CNTN5: variants seen among roughly 807,000 people sequenced by gnomAD.
The protein encoded by CNTN5 is contactin-5.
CNTN5 carries 77 observed loss-of-function variants against 129.1 expected under a neutral mutation model. That is an observed-to-expected ratio of 0.60 (90% CI 0.50 to 0.72). The LOEUF (loss-of-function observed/expected upper bound fraction) is 0.72. Among genes scored for constraint, CNTN5 ranks in the 30% least tolerant of loss-of-function variants. The pLI is 0.00. For missense variants in CNTN5, 1,478 were observed against 1,328.8 expected (o/e 1.11, Z -1.75); for synonymous variants, 509 against 465.6 (o/e 1.09, Z -1.20).
intron 3 of CNTN5, among the ~76,000 whole-genome samples, chr11:99,778,593 T>G (rs1945205751): frequency 6.6e-6 from 1 of 151,746 alleles, no homozygotes; most frequent in Non-Finnish European, 1.5e-5. Flanking sequence ...TCATAGTCAT[T>G]GTGATTATGT....
chr11:99,409,324 C>A (rs1162149182), intron 2 of CNTN5, among the ~76,000 whole-genome samples: 2 of 151,960 alleles, frequency 1.3e-5, no homozygotes, highest in Admixed American at 6.6e-5. Flanking sequence ...AAAAATTAAC[C>A]AGGCATGGTG....
chr11:99,601,349 G>T (rs990848285), intron 3 of CNTN5, among the ~76,000 whole-genome samples: 1 of 151,744 alleles, frequency 6.6e-6, no homozygotes, highest in Non-Finnish European at 1.5e-5. Context: ...CTTTCCTTCG[G>T]GCTGTCTTGG....
rs1289478944 is a variant in CNTN5, at chr11:99,438,116, T to A, written c.-71+112632T>A. 2.0e-5 allele frequency among the ~76,000 whole-genome samples: 3 copies of A among 152,338 alleles called. No homozygotes were observed. In the East Asian group the frequency reaches 5.8e-4, roughly 29 times the overall value. ...AGGTTTATTCATGCTAGAAGCTTAATAATAAAATAATGAATTATTCTAGAT... is the reference window on the plus strand; with the variant it reads ...AGGTTTATTCATGCTAGAAGCTTAAAAATAAAATAATGAATTATTCTAGAT... On this transcript the variant is annotated intron_variant, in intron 2 of 24. Coordinates refer to ENST00000524871, the MANE Select transcript of CNTN5 (RefSeq NM_014361.4).
At chr11:99,971,833 A>AT (rs1196547642) in intron 8 of CNTN5, among the ~76,000 whole-genome samples, 4 of 151,550 alleles carry the variant, frequency 2.6e-5, no homozygotes, top group Non-Finnish European at 2.9e-5. Flanking sequence ...ATAATATTTA[A>AT]TTTTAAAAAA....
intron 1 of CNTN5, among the ~76,000 whole-genome samples, chr11:99,074,940 C>T (rs1591148674): frequency 6.6e-6 from 1 of 152,062 alleles, no homozygotes; most frequent in East Asian, 1.9e-4. Flanking sequence ...AAACATGCCG[C>T]ATTGAAAAAT....
intron 21 of CNTN5, chr11:100,309,201 A>G: frequency 1.0e-6 from 1 of 985,018 alleles, no homozygotes; most frequent in South Asian, 4.7e-5. Flanking sequence ...CCAAGACTTT[A>G]GTTGCATTTA....
chr11:99,364,710 C>T lies in CNTN5; in HGVS notation c.-71+39226C>T, dbSNP rs760609047. On this transcript the variant is annotated intron_variant, in intron 2 of 24. Transcript: ENST00000524871. ...ATAAGAATAAGATACTTTCATTTGTCGGTACGATTAAATCATTGATTATGG... is the reference window on the plus strand; with the variant it reads ...ATAAGAATAAGATACTTTCATTTGTTGGTACGATTAAATCATTGATTATGG... Among the ~76,000 whole-genome samples the T allele has an allele frequency of 4.6e-5, 7 of 151,976 alleles. 1 individual carries two copies. The South Asian group carries it at 6.2e-4, about 14-fold the overall frequency.
intron 3 of CNTN5, among the ~76,000 whole-genome samples, chr11:99,787,412 C>A: frequency 6.6e-6 from 1 of 150,722 alleles, no homozygotes. Flanking sequence ...TTTTTTAAAA[C>A]ATTACTTATA....
intron 1 of CNTN5, among the ~76,000 whole-genome samples, chr11:99,311,233 GT>G (rs763646243): frequency 1.3e-5 from 2 of 152,056 alleles, no homozygotes; most frequent in Non-Finnish European, 2.9e-5. Context: ...AGCCTGATTA[GT>G]TTTTAAGTAG....
At chr11:99,893,464 A>G (rs996077214) in intron 6 of CNTN5, among the ~76,000 whole-genome samples, 5 of 152,186 alleles carry the variant, frequency 3.3e-5, no homozygotes, top group African/African-American at 9.7e-5. Flanking sequence ...TAGTAATTCA[A>G]TAATGTATTA....
chr11:99,871,436 C>A (rs370939028), intron 6 of CNTN5, among the ~76,000 whole-genome samples: 12 of 151,886 alleles, frequency 7.9e-5, no homozygotes, highest in East Asian at 7.7e-4. Flanking sequence ...TTGCTATTAA[C>A]TTGGAAAAAA....
intron 3 of CNTN5, among the ~76,000 whole-genome samples, chr11:99,564,130 A>G (rs1948931105): frequency 6.6e-6 from 1 of 152,186 alleles, no homozygotes; most frequent in Admixed American, 6.5e-5. Context: ...CACCCAAGCT[A>G]GAGTGCAGCG....
intron 2 of CNTN5, among the ~76,000 whole-genome samples, chr11:99,422,666 GT>G (rs1010156447): frequency 1.2e-4 from 18 of 151,138 alleles, no homozygotes; most frequent in Non-Finnish European, 1.5e-4. Flanking sequence ...AATAGAGAGG[GT>G]TTTTTATTAA....
chr11:100,121,634 C>G (rs1946026084), intron 13 of CNTN5, among the ~76,000 whole-genome samples: 1 of 151,844 alleles, frequency 6.6e-6, no homozygotes, highest in Admixed American at 6.6e-5. Context: ...TTCATTATAC[C>G]AGGGAGCCAT....
chr11:99,709,829 G>A (rs1329724647), intron 3 of CNTN5, among the ~76,000 whole-genome samples: 3 of 151,772 alleles, frequency 2.0e-5, no homozygotes, highest in African/African-American at 7.3e-5. Context: ...GGTTTTCCCT[G>A]AGAAAAGGAA....
chr11:99,582,302 T>G (rs1949632768), intron 3 of CNTN5, among the ~76,000 whole-genome samples: 2 of 152,198 alleles, frequency 1.3e-5, no homozygotes, highest in Admixed American at 1.3e-4. Context: ...CAATTATGTG[T>G]CTTGGAGTTG....
intron 4 of CNTN5, among the ~76,000 whole-genome samples, chr11:99,835,047 C>T (rs1476777048): frequency 6.6e-6 from 1 of 152,182 alleles, no homozygotes; most frequent in African/African-American, 2.4e-5. Flanking sequence ...TTCCATGATG[C>T]AAACTCCTTT....
At chr11:100,265,377 T>C (rs1457311963) in intron 17 of CNTN5, among the ~76,000 whole-genome samples, 1 of 152,150 alleles carries the variant, frequency 6.6e-6, no homozygotes, top group East Asian at 1.9e-4. Context: ...AGATGCTTCC[T>C]GGTTTTAGTA....
intron 1 of CNTN5, among the ~76,000 whole-genome samples, chr11:99,229,641 C>T (rs1320540717): frequency 5.3e-5 from 8 of 151,690 alleles, no homozygotes; most frequent in African/African-American, 1.4e-4. Context: ...ATAAGGAGAG[C>T]GTGATTTTAA....
Sources: allele counts gnomAD v4.1 joint callset (sites outside exome capture counted in the v4.1 genomes callset), GRCh38; gene constraint gnomAD v4.1.1; transcripts MANE v1.5; gene names NCBI Gene and HGNC (gene_info 2026-07-23, HGNC 2026-07-21).